BLZF1: variants seen among roughly 807,000 people sequenced by gnomAD.
BLZF1 encodes basic leucine zipper nuclear factor 1.
In BLZF1, 39 loss-of-function variants were observed where a neutral mutation model predicts 43.8. The observed-to-expected ratio is 0.89, with a 90% confidence interval of 0.69 to 1.16. The LOEUF (loss-of-function observed/expected upper bound fraction) is 1.16, where lower values mean the gene tolerates loss of function less well. Among genes scored for constraint, BLZF1 ranks in the 50% most tolerant of loss-of-function variants. The pLI is 0.00. For synonymous variants in BLZF1, 136 were observed against 159.4 expected (o/e 0.85, Z 1.11); for missense variants, 449 against 469.8 (o/e 0.96, Z 0.41).
chr1:169,393,983 T>C (rs1654885620), intron 7 of BLZF1, among the ~76,000 whole-genome samples: 1 of 152,198 alleles, frequency 6.6e-6, no homozygotes, highest in Non-Finnish European at 1.5e-5. Context: ...ACCTTTGTCC[T>C]TCACCCCTTA....
rs999564770 is a variant in BLZF1 at position 169,388,167 on chromosome 1, C to G, written c.*985C>G. 1 of 151,996 alleles carries G rather than the reference C, an allele frequency of 6.6e-6. No homozygotes were observed. Among genetic ancestry groups the G allele is most frequent in the African/African-American group, 2.4e-5 (1 of 41,400 alleles). The allele number at this position is 151,996 out of a possible 1,614,324, so 9.4% of individuals were successfully genotyped here. A position where few individuals can be genotyped will look rare whatever the true frequency, so the allele number is the denominator to read the frequency against. ...TATATTAAATTATACAAATTTGTTGCAGAAGTGCCTGTGAGAGAAATCTTC... is the reference window on the plus strand; with the variant it reads ...TATATTAAATTATACAAATTTGTTGGAGAAGTGCCTGTGAGAGAAATCTTC... On this transcript the variant is annotated 3_prime_UTR_variant, in exon 7 of 7. Transcript: ENST00000367808.
At chr1:169,380,781 G>A (rs974173658) in intron 5 of BLZF1, among the ~76,000 whole-genome samples, 172 bp downstream of exon 5, 1 of 151,986 alleles carries the variant, frequency 6.6e-6, no homozygotes, top group Non-Finnish European at 1.5e-5. Flanking sequence ...GAGGGAAGAG[G>A]ACTGAAAAAA....
intron 2 of BLZF1, among the ~76,000 whole-genome samples, chr1:169,375,578 T>C (rs1654292418): frequency 6.6e-6 from 1 of 150,662 alleles, no homozygotes; most frequent in Non-Finnish European, 1.5e-5. Context: ...TAATACATTT[T>C]ATCTTTTTAT....
chr1:169,372,264 G>A (rs1654148647), intron 2 of BLZF1, among the ~76,000 whole-genome samples: 1 of 152,070 alleles, frequency 6.6e-6, no homozygotes, highest in Admixed American at 6.6e-5. Flanking sequence ...TTGTTTAACT[G>A]TATCATAGCT....
intron 5 of BLZF1, among the ~76,000 whole-genome samples, chr1:169,381,531 G>T (rs532039611): frequency 6.6e-6 from 1 of 152,226 alleles, no homozygotes; most frequent in African/African-American, 2.4e-5. Context: ...ACAATTTCCA[G>T]CTCATTTCAT....
exon 8 of BLZF1, chr1:169,396,482 G>C (rs1267951810): frequency 6.6e-6 from 1 of 152,208 alleles, no homozygotes; most frequent in Non-Finnish European, 1.5e-5. Flanking sequence ...CTTGAACCTG[G>C]GAGGGTGAGG....
intron 5 of BLZF1, among the ~76,000 whole-genome samples, chr1:169,381,095 CA>C (rs1262231485): frequency 2.0e-5 from 3 of 151,580 alleles, no homozygotes; most frequent in African/African-American, 7.3e-5. Flanking sequence ...TGTCAAAGAG[CA>C]AATTATAGGG....
At chr1:169,386,859 C>T in intron 6 of BLZF1, 138 bp from the exon 7 acceptor site, 1 of 566,478 alleles carries the variant, frequency 1.8e-6, no homozygotes, top group East Asian at 3.2e-5. Flanking sequence ...TCTTTTCAAT[C>T]AGATTAGTCA....
downstream of BLZF1, among the ~76,000 whole-genome samples, chr1:169,390,833 T>C (rs937715671): frequency 1.3e-5 from 2 of 152,196 alleles, no homozygotes; most frequent in Non-Finnish European, 1.5e-5. Context: ...AAAAAAACTT[T>C]TGCTCAAAAA....
At chr1:169,377,005 T>A (rs765804180) in intron 3 of BLZF1, 26 bp downstream of exon 3, 9 of 1,575,336 alleles carry the variant, frequency 5.7e-6, no homozygotes, top group African/African-American at 2.7e-5. Context: ...ATCGATAAAA[T>A]GAGTACTACT....
chr1:169,383,410 C>G (rs1471394207), intron 6 of BLZF1, among the ~76,000 whole-genome samples: 1 of 152,098 alleles, frequency 6.6e-6, no homozygotes, highest in African/African-American at 2.4e-5. Flanking sequence ...AAGCATCATT[C>G]ATCTAAAAAA....
chr1:169,395,881 T>G (rs1483695088), intron 7 of BLZF1: 7 of 151,528 alleles, frequency 4.6e-5, no homozygotes, highest in African/African-American at 9.7e-5. Flanking sequence ...TTTTGTTGTT[T>G]TTTTTTTTTC....
At chr1:169,374,281 G>A (rs1202932813) in intron 2 of BLZF1, among the ~76,000 whole-genome samples, 3 of 152,130 alleles carry the variant, frequency 2.0e-5, no homozygotes, top group Middle Eastern at 3.4e-3. Flanking sequence ...CATCTACTTG[G>A]GAGGCTGAGG....
intron 2 of BLZF1, among the ~76,000 whole-genome samples, chr1:169,375,420 A>ATATATATATATATAT (rs1654283937): frequency 4.2e-5 from 5 of 120,366 alleles, no homozygotes; most frequent in Admixed American, 3.6e-4. Flanking sequence ...ATATATATAT[A>ATATATATATATATAT]TATATATATA....
At chr1:169,383,513 T>A (rs1455249781) in intron 6 of BLZF1, among the ~76,000 whole-genome samples, 2 of 152,214 alleles carry the variant, frequency 1.3e-5, no homozygotes, top group Non-Finnish European at 2.9e-5. Flanking sequence ...CCAGACATGT[T>A]TGTACTTAAA....
Position 169,382,210 on chromosome 1 carries a change from A to C in BLZF1, c.946A>C (p.Ile316Leu). The C allele has an allele frequency of 6.2e-7, 1 of 1,613,850 alleles. No homozygotes were observed. The highest frequency in any genetic ancestry group is 8.5e-7 in the Non-Finnish European group (1 of 1,179,754). ...TTCTCATCTTCTGGGAAATGTTGGC[A>C]TTAACAATCAAAAAAAGATTCCATC... ...VNSHLLGNVG[I>L]NNQKKIPSTV... Residue 316 changes from isoleucine (I) to leucine (L), a missense_variant, in exon 6 of 7, where the codon ATT becomes CTT. By Grantham distance (5) the Ile-to-Leu change is conservative (BLOSUM62 2). Coordinates refer to ENST00000367808, the MANE Select transcript of BLZF1 (RefSeq NM_001320973.2).
chr1:169,371,578 G>C (rs561510217), intron 2 of BLZF1, among the ~76,000 whole-genome samples: 93 of 152,258 alleles, frequency 6.1e-4, no homozygotes, highest in African/African-American at 2.1e-3. Context: ...TGTGCTTCCT[G>C]TAACTGCCTC....
downstream of BLZF1, among the ~76,000 whole-genome samples, chr1:169,389,187 G>A (rs1420001835): frequency 6.6e-6 from 1 of 151,190 alleles, no homozygotes; most frequent in Non-Finnish European, 1.5e-5. Context: ...CCAGCTACTG[G>A]AGAGGGTGAG....
intron 2 of BLZF1, among the ~76,000 whole-genome samples, chr1:169,369,882 AC>A (rs1316693037): frequency 2.6e-5 from 4 of 152,232 alleles, no homozygotes; most frequent in African/African-American, 9.6e-5. Context: ...AGACAAAGCA[AC>A]TAGGGTGTAT....
Sources: allele counts gnomAD v4.1 joint callset (sites outside exome capture counted in the v4.1 genomes callset), GRCh38; gene constraint gnomAD v4.1.1; transcripts MANE v1.5; gene names NCBI Gene and HGNC (gene_info 2026-07-23, HGNC 2026-07-21).